The following KYAT3 variants were observed in gnomAD, a reference collection of about 807,000 sequenced individuals.
KYAT3 encodes kynurenine--oxoglutarate transaminase 3.
In KYAT3, 50 loss-of-function variants were observed where a neutral mutation model predicts 59.0. That is an observed-to-expected ratio of 0.85 (90% CI 0.68 to 1.07). KYAT3 has a LOEUF of 1.07. KYAT3 is among the 50% of genes least tolerant of loss of function. The pLI, the probability that KYAT3 is intolerant of heterozygous loss-of-function variation, is 0.00. For missense variants in KYAT3, 497 were observed against 533.3 expected (o/e 0.93, Z 0.67); for synonymous variants, 148 against 177.0 (o/e 0.84, Z 1.30).
In KYAT3 at chr1:88,942,980, G is replaced by A. The variant is rs748149402; in HGVS notation, c.1302+25C>T. 4 of 1,491,292 alleles carry A rather than the reference G, an allele frequency of 2.7e-6. No homozygotes were observed. The South Asian group carries it at 3.4e-5, about 13-fold the overall frequency. The allele number at this position is 1,491,292 out of a possible 1,614,324, so 92.4% of individuals were successfully genotyped here. A position where few individuals can be genotyped will look rare whatever the true frequency, so the allele number is the denominator to read the frequency against. On this transcript the variant is annotated intron_variant, in intron 13 of 13. Transcript: ENST00000260508. Reference sequence around the variant, plus strand: ...ATTGAAATGAAGATACTATATATGTGTTTTCAATAGAGCAGGGAACTTACT... The same window carrying A: ...ATTGAAATGAAGATACTATATATGTATTTTCAATAGAGCAGGGAACTTACT...
intron 11 of KYAT3, among the ~76,000 whole-genome samples, chr1:88,946,709 A>G (rs1239822679): frequency 6.6e-6 from 1 of 152,202 alleles, no homozygotes; most frequent in Non-Finnish European, 1.5e-5. Flanking sequence ...TTTAGACTCA[A>G]TATAGAAAAA....
the KYAT3 span, among the ~76,000 whole-genome samples, chr1:88,930,011 T>C: frequency 6.6e-6 from 1 of 152,212 alleles, no homozygotes; most frequent in Admixed American, 6.5e-5. Flanking sequence ...AGCCCCAGTG[T>C]TGAGCTTGCC....
At chr1:88,924,152 C>T in the KYAT3 span, among the ~76,000 whole-genome samples, 1 of 152,176 alleles carries the variant, frequency 6.6e-6, no homozygotes, top group Non-Finnish European at 1.5e-5. Context: ...GGTGTTGGAG[C>T]CAGTCAGTCC....
At chr1:88,971,598 C>T (rs900326020) in intron 2 of KYAT3, among the ~76,000 whole-genome samples, 1 of 152,106 alleles carries the variant, frequency 6.6e-6, no homozygotes, top group African/African-American at 2.4e-5. Context: ...GGTGACAAAA[C>T]AGTGTGATAG....
At position 88,986,368 on chromosome 1, in the gene KYAT3, G is replaced by A. The variant is rs1177144062; in HGVS notation, c.99+1884C>T. ...GGGCCAGGCGCGGTGGCTCACGCCT[G>A]TAATCCCAGCACTTTGGGAGGCCGA... On this transcript the variant is annotated intron_variant, in intron 2 of 13. Transcript: ENST00000260508. Among the ~76,000 whole-genome samples the A allele has an allele frequency of 2.0e-5, 3 of 151,610 alleles. No individual in the cohort carries two copies. The East Asian group carries it at 5.9e-4, about 30-fold the overall frequency.
At chr1:88,989,743 C>A (rs1359950261) in intron 1 of KYAT3, among the ~76,000 whole-genome samples, 1 of 152,172 alleles carries the variant, frequency 6.6e-6, no homozygotes, top group Non-Finnish European at 1.5e-5. Context: ...CACCTTCCTT[C>A]TTAGGGAGCT....
intron 9 of KYAT3, among the ~76,000 whole-genome samples, chr1:88,953,702 C>T (rs377042118): frequency 1.8e-4 from 28 of 152,178 alleles, no homozygotes; most frequent in African/African-American, 6.7e-4. Context: ...GGTAAACAGC[C>T]GGCGATCATT....
the KYAT3 span, among the ~76,000 whole-genome samples, chr1:88,928,595 C>T: frequency 1.3e-5 from 2 of 152,072 alleles, no homozygotes; most frequent in Non-Finnish European, 2.9e-5. Flanking sequence ...GCCCACTGCC[C>T]CAGGGGACGA....
intron 10 of KYAT3, 101 bp downstream of exon 10, chr1:88,952,962 A>G: frequency 1.4e-6 from 1 of 708,668 alleles, no homozygotes; most frequent in Admixed American, 2.4e-5. Context: ...GCCCTGCAAC[A>G]GAAGGATAGA....
At chr1:88,941,435 G>A (rs978230831) in intron 13 of KYAT3, among the ~76,000 whole-genome samples, 1 of 152,070 alleles carries the variant, frequency 6.6e-6, no homozygotes, top group Non-Finnish European at 1.5e-5. Flanking sequence ...GGAGAAGTTT[G>A]ATAGTGATAA....
chr1:88,948,635 T>C (rs1328307177), intron 11 of KYAT3, among the ~76,000 whole-genome samples: 2 of 152,232 alleles, frequency 1.3e-5, no homozygotes, highest in Non-Finnish European at 2.9e-5. Flanking sequence ...AGACCCTCAA[T>C]AAGTGTTATT....
chr1:88,968,876 A>G, intron 3 of KYAT3, 62 bp from the exon 4 acceptor site: 1 of 1,274,964 alleles, frequency 7.8e-7, no homozygotes, highest in Non-Finnish European at 1.1e-6. Flanking sequence ...GCTTTTTTAT[A>G]TCTTATAGTC....
downstream of KYAT3, among the ~76,000 whole-genome samples, chr1:88,935,376 G>A (rs200375742): frequency 7.5e-3 from 324 of 43,046 alleles, 1 homozygote; most frequent in East Asian, 0.017. Flanking sequence ...GAGAGAGAGA[G>A]AAAAAAAAAA....
intron 2 of KYAT3, among the ~76,000 whole-genome samples, chr1:88,974,010 A>G (rs1035296303): frequency 1.3e-5 from 2 of 152,190 alleles, no homozygotes; most frequent in African/African-American, 4.8e-5. Context: ...AGAGAAGTCA[A>G]GGTCACAGCC....
intron 12 of KYAT3, 65 bp from the exon 13 acceptor site, chr1:88,943,156 T>G: frequency 1.6e-6 from 2 of 1,285,742 alleles, no homozygotes; most frequent in South Asian, 2.5e-5. Context: ...ATTTTGGTAC[T>G]ACAGATACTA....
intron 2 of KYAT3, among the ~76,000 whole-genome samples, chr1:88,971,363 C>T (rs1676549065): frequency 6.6e-6 from 1 of 152,114 alleles, no homozygotes; most frequent in Non-Finnish European, 1.5e-5. Flanking sequence ...ATGCCACACC[C>T]ATTCTAATTT....
chr1:88,964,639 T>G, intron 5 of KYAT3, 190 bp downstream of exon 5: 1 of 564,774 alleles, frequency 1.8e-6, no homozygotes, highest in Non-Finnish European at 3.2e-6. Context: ...TGGTTGTAGT[T>G]GCACAGAAAT....
chr1:88,963,356 T>A (rs1409148), intron 5 of KYAT3, among the ~76,000 whole-genome samples: 68,934 of 151,860 alleles, frequency 0.45, 15,907 homozygotes, highest in Admixed American at 0.5. Flanking sequence ...ATTAAAGGAG[T>A]TTATGTATAT....
At chr1:88,985,273 G>A (rs1369900744) in intron 2 of KYAT3, among the ~76,000 whole-genome samples, 1 of 152,134 alleles carries the variant, frequency 6.6e-6, no homozygotes, top group African/African-American at 2.4e-5. Flanking sequence ...AATAGGCCTG[G>A]GGCCCTTCTG....
Sources: allele counts gnomAD v4.1 joint callset (sites outside exome capture counted in the v4.1 genomes callset), GRCh38; gene constraint gnomAD v4.1.1; transcripts MANE v1.5; gene names NCBI Gene and HGNC (gene_info 2026-07-23, HGNC 2026-07-21).